NLGN1: variants seen among roughly 807,000 people sequenced by gnomAD.
The protein encoded by NLGN1 is neuroligin-1.
A neutral mutation model predicts 65.5 loss-of-function variants in NLGN1; 12 were observed. That is an observed-to-expected ratio of 0.18 (90% confidence interval 0.12 to 0.30). The LOEUF is 0.30. Among genes scored for constraint, NLGN1 ranks in the 10% least tolerant of loss-of-function variants. The probability of loss-of-function intolerance (pLI) is 1.00; values close to 1 mark genes in which losing one functional copy is unlikely to be tolerated. For synonymous variants in NLGN1, 350 were observed against 359.5 expected, an observed-to-expected ratio of 0.97 and a Z score of 0.30; for missense variants, 750 against 1,007.1, an observed-to-expected ratio of 0.74 and a Z score of 3.46.
chr3:173,964,389 G>T (rs1714330673), intron 4 of NLGN1, among the ~76,000 whole-genome samples: 2 of 152,160 alleles, frequency 1.3e-5, no homozygotes, highest in African/African-American at 4.8e-5. Context: ...TTATATTTGT[G>T]CATATTCAGG....
At chr3:174,286,076 A>C (rs1293352285) in exon 7 of NLGN1, 1 of 151,408 alleles carries the variant, frequency 6.6e-6, no homozygotes, top group African/African-American at 2.4e-5. Flanking sequence ...AATTTGAAAG[A>C]AGTCTGAAGC....
intron 4 of NLGN1, among the ~76,000 whole-genome samples, chr3:174,034,434 C>T (rs1730687235): frequency 6.6e-6 from 1 of 151,782 alleles, no homozygotes. Context: ...TTTTATTTTT[C>T]TTATACTTAA....
chr3:173,444,535 G>A (rs115523193), intron 2 of NLGN1, among the ~76,000 whole-genome samples: 1 of 152,054 alleles, frequency 6.6e-6, no homozygotes, highest in South Asian at 2.1e-4. Context: ...AAATACAAAT[G>A]TGTGGATTTT....
At chr3:173,541,271 A>G (rs1738815770) in intron 2 of NLGN1, among the ~76,000 whole-genome samples, 1 of 152,176 alleles carries the variant, frequency 6.6e-6, no homozygotes, top group South Asian at 2.1e-4. Context: ...TGGGGGATGA[A>G]ATATAATCCT....
intron 3 of NLGN1, among the ~76,000 whole-genome samples, chr3:173,782,181 C>T (rs1252760091): frequency 2.0e-5 from 3 of 151,906 alleles, no homozygotes; most frequent in Non-Finnish European, 1.5e-5. Flanking sequence ...AACCATGTTG[C>T]TATGGTCAAT....
At chr3:174,289,923 A>ATG (rs1439806880), downstream of NLGN1, among the ~76,000 whole-genome samples, 2 of 138,112 alleles carry the variant, frequency 1.4e-5, no homozygotes, top group East Asian at 2.0e-4. Flanking sequence ...ATGTATATAT[A>ATG]TGTGTATATA....
intron 4 of NLGN1, among the ~76,000 whole-genome samples, chr3:174,253,563 C>A (rs1745145992): frequency 6.6e-6 from 1 of 152,180 alleles, no homozygotes. Context: ...CAGGTCAAAT[C>A]AGCTGAAAAG....
chr3:174,022,435 G>C (rs1293820353), intron 4 of NLGN1, among the ~76,000 whole-genome samples: 1 of 152,142 alleles, frequency 6.6e-6, no homozygotes, highest in Non-Finnish European at 1.5e-5. Context: ...GCTTGTGGAA[G>C]ATGAAAGAGA....
intron 4 of NLGN1, among the ~76,000 whole-genome samples, chr3:173,870,736 A>G (rs1228924970): frequency 3.9e-5 from 6 of 152,208 alleles, no homozygotes; most frequent in Admixed American, 6.5e-5. Context: ...TGCTTAATAC[A>G]TGCAGAGAAA....
intron 2 of NLGN1, among the ~76,000 whole-genome samples, chr3:173,458,705 G>T (rs1560283811): frequency 6.6e-6 from 1 of 152,018 alleles, no homozygotes; most frequent in Non-Finnish European, 1.5e-5. Flanking sequence ...TGAATACCCA[G>T]ATACAAGTGA....
At chr3:173,569,870 A>G (rs866157479) in intron 2 of NLGN1, among the ~76,000 whole-genome samples, 2 of 116,184 alleles carry the variant, frequency 1.7e-5, no homozygotes, top group South Asian at 3.4e-4. Flanking sequence ...CCACACATTC[A>G]TGCTTTCTCT....
At chr3:173,900,809 T>C (rs1364037928) in intron 4 of NLGN1, among the ~76,000 whole-genome samples, 1 of 151,966 alleles carries the variant, frequency 6.6e-6, no homozygotes, top group Non-Finnish European at 1.5e-5. Flanking sequence ...GTAAAACAAT[T>C]AAGGCTTAAT....
At chr3:173,727,679 T>C (rs1772035161) in intron 3 of NLGN1, among the ~76,000 whole-genome samples, 1 of 152,124 alleles carries the variant, frequency 6.6e-6, no homozygotes, top group Admixed American at 6.6e-5. Context: ...CAAGTATATA[T>C]ATATACAAAT....
At chr3:173,694,499 C>T (rs1765913418) in intron 3 of NLGN1, among the ~76,000 whole-genome samples, 1 of 152,132 alleles carries the variant, frequency 6.6e-6, no homozygotes, top group South Asian at 2.1e-4. Flanking sequence ...CAACAGAACA[C>T]ATTTTTCTCT....
At chr3:173,715,913 T>A (rs1769778595) in intron 3 of NLGN1, among the ~76,000 whole-genome samples, 1 of 152,170 alleles carries the variant, frequency 6.6e-6, no homozygotes, top group Admixed American at 6.6e-5. Flanking sequence ...TTATTTAGAT[T>A]TTGATTAATG....
chr3:173,947,664 G>A (rs993959083), intron 4 of NLGN1, among the ~76,000 whole-genome samples: 1 of 151,830 alleles, frequency 6.6e-6, no homozygotes, highest in Non-Finnish European at 1.5e-5. Context: ...TACAATACAG[G>A]CATGAAATAT....
At chr3:174,124,506 T>A (rs1378403418) in intron 4 of NLGN1, among the ~76,000 whole-genome samples, 2 of 148,570 alleles carry the variant, frequency 1.3e-5, no homozygotes, top group African/African-American at 2.4e-5. Flanking sequence ...TGTGTATATA[T>A]ATAAGTATAT....
chr3:173,498,258 T>C (rs1171861844), intron 2 of NLGN1, among the ~76,000 whole-genome samples: 1 of 149,988 alleles, frequency 6.7e-6, no homozygotes, highest in South Asian at 2.1e-4. Context: ...CCTGTGTCCA[T>C]GTGTTCTCAT....
At chr3:173,563,407 A>G (rs1743103537) in intron 2 of NLGN1, among the ~76,000 whole-genome samples, 1 of 152,228 alleles carries the variant, frequency 6.6e-6, no homozygotes, top group Admixed American at 6.5e-5. Flanking sequence ...ATCTAAAGGA[A>G]ATAACGTATA....
Sources: allele counts gnomAD v4.1 joint callset (sites outside exome capture counted in the v4.1 genomes callset), GRCh38; gene constraint gnomAD v4.1.1; transcripts MANE v1.5; gene names NCBI Gene and HGNC (gene_info 2026-07-23, HGNC 2026-07-21).